JARID2: variants seen among roughly 807,000 people sequenced by gnomAD.
JARID2 encodes the protein jumonji and AT-rich interaction domain containing 2, also known as protein Jumonji.
In JARID2, 21 loss-of-function variants were observed where a neutral mutation model predicts 125.6. The ratio of observed to expected loss-of-function variants is 0.17; its 90% CI spans 0.12 to 0.24. The LOEUF is 0.24. JARID2 is among the 10% of genes least tolerant of loss of function. JARID2 has a pLI of 1.00. For missense variants in JARID2, 1,303 were observed against 1,639.6 expected, an observed-to-expected ratio of 0.79 and a Z score of 3.55; for synonymous variants, 736 against 661.6, an observed-to-expected ratio of 1.11 and a Z score of -1.73.
At chr6:15,391,973 G>A (rs570010669) in intron 2 of JARID2, among the ~76,000 whole-genome samples, 2 of 152,082 alleles carry the variant, frequency 1.3e-5, no homozygotes, top group Non-Finnish European at 2.9e-5. Flanking sequence ...TGGAGGAAAT[G>A]TGCCCTTCAT....
chr6:15,304,934 A>T (rs1265318697), intron 1 of JARID2, among the ~76,000 whole-genome samples: 1 of 151,768 alleles, frequency 6.6e-6, no homozygotes, highest in Non-Finnish European at 1.5e-5. Context: ...CGCTCTCTTT[A>T]TTGGCCCTTT....
intron 5 of JARID2, among the ~76,000 whole-genome samples, chr6:15,471,563 G>A (rs959540073): frequency 1.3e-5 from 2 of 152,126 alleles, no homozygotes; most frequent in South Asian, 2.1e-4. Flanking sequence ...TTTATCTGAC[G>A]TCTTGATCAG....
chr6:15,309,552 A>G (rs553225466), intron 1 of JARID2, among the ~76,000 whole-genome samples: 3 of 152,274 alleles, frequency 2.0e-5, no homozygotes, highest in Non-Finnish European at 2.9e-5. Flanking sequence ...ACTGACATAA[A>G]ATAAGTGAAA....
intron 1 of JARID2, among the ~76,000 whole-genome samples, chr6:15,348,989 A>G (rs16876250): frequency 0.055 from 8,415 of 152,326 alleles, 308 homozygotes; most frequent in South Asian, 0.11. Context: ...TCCATGGACA[A>G]TGTTGAAAAG....
chr6:15,393,204 T>TA (rs34092241), intron 2 of JARID2, among the ~76,000 whole-genome samples: 82,896 of 151,854 alleles, frequency 0.55, 22,755 homozygotes, highest in South Asian at 0.66. Context: ...CTGACAAAGT[T>TA]AAAAAAATTG....
At chr6:15,416,270 A>G (rs897315611) in intron 3 of JARID2, among the ~76,000 whole-genome samples, 1 of 152,064 alleles carries the variant, frequency 6.6e-6, no homozygotes, top group Non-Finnish European at 1.5e-5. Flanking sequence ...GACGCTTCTC[A>G]CTTCCCAGAC....
At chr6:15,493,237 A>T (rs1770244222) in intron 6 of JARID2, among the ~76,000 whole-genome samples, 1 of 152,170 alleles carries the variant, frequency 6.6e-6, no homozygotes, top group African/African-American at 2.4e-5. Context: ...ATTTGTGGGA[A>T]CACTGAGACA....
intron 1 of JARID2, among the ~76,000 whole-genome samples, chr6:15,275,017 C>G (rs779478250): frequency 7.9e-5 from 12 of 152,200 alleles, no homozygotes; most frequent in Non-Finnish European, 1.8e-4. Context: ...AAGAGCCCTT[C>G]TGGTTTCCCA....
intron 1 of JARID2, among the ~76,000 whole-genome samples, chr6:15,311,628 C>G (rs2127427536): frequency 6.6e-6 from 1 of 152,228 alleles, no homozygotes; most frequent in East Asian, 1.9e-4. Context: ...CAAGCCTTTT[C>G]TCTCCCACAG....
chr6:15,490,651 A>G (rs1265780056), intron 6 of JARID2, among the ~76,000 whole-genome samples: 1 of 152,218 alleles, frequency 6.6e-6, no homozygotes, highest in African/African-American at 2.4e-5. Flanking sequence ...GCCCCTGGGT[A>G]ATAATTTGGT....
intron 4 of JARID2, among the ~76,000 whole-genome samples, chr6:15,455,608 T>C (rs577123385): frequency 4.5e-4 from 69 of 152,342 alleles, no homozygotes; most frequent in African/African-American, 1.4e-3. Flanking sequence ...CTTGGCTCAC[T>C]GCAACCTCTG....
At chr6:15,246,946 G>A (rs1199104294) in intron 1 of JARID2, among the ~76,000 whole-genome samples, 2 of 152,230 alleles carry the variant, frequency 1.3e-5, no homozygotes, top group Admixed American at 6.5e-5. Context: ...GCATGCAAAT[G>A]AGCCTGTGTT....
rs1771774118 is a variant in JARID2 at position 15,520,305 on chromosome 6, C to G, written c.*54C>G. The G allele has an allele frequency of 7.3e-7, 1 of 1,368,640 alleles. No homozygotes were observed. The highest frequency in any genetic ancestry group is 9.8e-7 in the Non-Finnish European group (1 of 1,023,584). The allele number at this position is 1,368,640 out of a possible 1,614,324, so 84.8% of individuals were successfully genotyped here. ...TATATTTTTTTGTAATTATTATATT[C>G]TAGTTTGGAGTACTTGCTGTAGGAT... On this transcript the variant is annotated 3_prime_UTR_variant, in exon 18 of 18. Coordinates refer to ENST00000341776, the MANE Select transcript of JARID2 (RefSeq NM_004973.4).
chr6:15,317,664 C>T (rs1450802798), intron 1 of JARID2, among the ~76,000 whole-genome samples: 1 of 152,010 alleles, frequency 6.6e-6, no homozygotes, highest in Non-Finnish European at 1.5e-5. Context: ...GGTGCTGGTT[C>T]TGAAGTATCT....
intron 2 of JARID2, among the ~76,000 whole-genome samples, chr6:15,393,101 TC>T (rs1331168636): frequency 3.3e-5 from 5 of 152,224 alleles, no homozygotes; most frequent in African/African-American, 1.2e-4. Flanking sequence ...GTGAAATTCT[TC>T]CTGTGTATCC....
chr6:15,345,496 T>C (rs2127474215), intron 1 of JARID2, among the ~76,000 whole-genome samples: 1 of 152,218 alleles, frequency 6.6e-6, no homozygotes, highest in East Asian at 1.9e-4. Context: ...TCCTGTGTAA[T>C]TGAGAAAGAG....
intron 1 of JARID2, among the ~76,000 whole-genome samples, chr6:15,250,071 T>C (rs1421774574): frequency 6.6e-6 from 1 of 152,186 alleles, no homozygotes; most frequent in Non-Finnish European, 1.5e-5. Flanking sequence ...CTCTGCCTTA[T>C]GAAGATAGTA....
intron 1 of JARID2, among the ~76,000 whole-genome samples, chr6:15,273,141 G>C (rs1417546087): frequency 6.6e-6 from 1 of 152,100 alleles, no homozygotes; most frequent in Non-Finnish European, 1.5e-5. Flanking sequence ...TCATGTGGGT[G>C]GGGAGGATGC....
At chr6:15,461,502 C>CCCTCCTT (rs1768447728) in intron 4 of JARID2, among the ~76,000 whole-genome samples, 2 of 152,156 alleles carry the variant, frequency 1.3e-5, no homozygotes, top group Admixed American at 6.5e-5. Context: ...ATTGCGTCAT[C>CCCTCCTT]CCTCCTTGTT....
Sources: allele counts gnomAD v4.1 joint callset (sites outside exome capture counted in the v4.1 genomes callset), GRCh38; gene constraint gnomAD v4.1.1; transcripts MANE v1.5; gene names NCBI Gene and HGNC (gene_info 2026-07-23, HGNC 2026-07-21).